Variants in GPR161 observed in about 807,000 individuals in gnomAD.
The protein encoded by GPR161 is G protein-coupled receptor 161.
GPR161 carries 25 observed loss-of-function variants against 39.2 expected under a neutral mutation model. The observed-to-expected ratio is 0.64, with a 90% CI of 0.47 to 0.89. The LOEUF is 0.89. Among genes scored for constraint, GPR161 ranks in the 40% least tolerant of loss-of-function variants. The pLI, the probability that GPR161 is intolerant of heterozygous loss-of-function variation, is 0.00. For missense variants in GPR161, 547 were observed against 677.8 expected (o/e 0.81, Z 2.14); for synonymous variants, 286 against 276.6 (o/e 1.03, Z -0.34).
intron 4 of GPR161, chr1:168,088,051 C>T: frequency 5.0e-6 from 1 of 200,534 alleles, no homozygotes. Context: ...GAGGGTCCTA[C>T]TAAAAGGAAC....
chr1:168,105,982 G>C (rs1159915106), intron 1 of GPR161, among the ~76,000 whole-genome samples: 1 of 152,132 alleles, frequency 6.6e-6, no homozygotes, highest in South Asian at 2.1e-4. Flanking sequence ...TGGTGGATCC[G>C]CTGCCTCTAC....
intron 1 of GPR161, among the ~76,000 whole-genome samples, chr1:168,122,643 CCTCA>C (rs1275557727): frequency 2.0e-5 from 3 of 152,166 alleles, no homozygotes; most frequent in African/African-American, 7.2e-5. Context: ...GCACTAGCCT[CCTCA>C]CTATTTCTGA....
intron 1 of GPR161, among the ~76,000 whole-genome samples, chr1:168,116,103 G>C (rs1299850854): frequency 6.6e-6 from 1 of 152,104 alleles, no homozygotes; most frequent in African/African-American, 2.4e-5. Flanking sequence ...TATCATAAAA[G>C]TCTCTTCTGA....
intron 1 of GPR161, chr1:168,133,816 G>C (rs1445495802): frequency 2.3e-6 from 1 of 437,666 alleles, no homozygotes; most frequent in African/African-American, 2.1e-5. Context: ...CCTAAAGTGA[G>C]AAATGTAGGT....
chr1:168,093,993 C>T (rs1194293798), intron 3 of GPR161, among the ~76,000 whole-genome samples: 2 of 145,056 alleles, frequency 1.4e-5, no homozygotes, highest in African/African-American at 5.0e-5. Flanking sequence ...GGAACCCATT[C>T]CATAAGCTCT....
chr1:168,126,382 C>T (rs1020952519), intron 1 of GPR161, among the ~76,000 whole-genome samples: 3 of 152,204 alleles, frequency 2.0e-5, no homozygotes, highest in Non-Finnish European at 2.9e-5. Context: ...CCATCTCCTC[C>T]GGTCTAGGGT....
chr1:168,119,977 C>G (rs1346693779), intron 1 of GPR161, among the ~76,000 whole-genome samples: 1 of 152,216 alleles, frequency 6.6e-6, no homozygotes, highest in Non-Finnish European at 1.5e-5. Flanking sequence ...AGAAACTCTC[C>G]TAGAGCAGTG....
rs775512191 is a variant in GPR161 at position 168,090,650 on chromosome 1, T to C, written c.1118A>G (p.His373Arg). Residue 373 changes from histidine to arginine, a missense_variant, in exon 4 of 6, where the codon CAC becomes CGC. His to Arg is a conservative substitution (Grantham distance 29). Coordinates refer to ENST00000682931, the MANE Select transcript of GPR161 (RefSeq NM_001375883.1). ...NRITDLGLSP[H>R]LTALMAGGQP... ...TCCACCTGCCATGAGCGCAGTGAGG[T>C]GTGGGGACAGGCCCAGGTCTGAAAG... 2 of 1,608,934 alleles carry C rather than the reference T, an allele frequency of 1.2e-6. No homozygotes were observed. The highest frequency in any genetic ancestry group is 2.2e-5 in the South Asian group (2 of 90,868).
chr1:168,133,662 T>A (rs1375619582), intron 1 of GPR161, among the ~76,000 whole-genome samples: 1 of 152,218 alleles, frequency 6.6e-6, no homozygotes. Flanking sequence ...GATCTTACTA[T>A]GTTGTCCATG....
chr1:168,125,137 TA>T (rs1282941979), intron 1 of GPR161, among the ~76,000 whole-genome samples: 1 of 152,174 alleles, frequency 6.6e-6, no homozygotes, highest in Non-Finnish European at 1.5e-5. Context: ...CTTTTCCCTA[TA>T]AAAGTATACT....
chr1:168,135,982 C>G (rs1699326782), intron 1 of GPR161: 9 of 1,171,316 alleles, frequency 7.7e-6, no homozygotes, highest in Non-Finnish European at 9.6e-6. Context: ...AGCAGACCTC[C>G]GGGAAGCACA....
In GPR161 at chr1:168,080,331, C is replaced by G. The variant is rs1446546665; in HGVS notation, c.*5200G>C. ...CCTATAAGACTAGCTCCTTGCTTTT[C>G]TCATCCCCTTGGCCAAGACTTGGAG... On this transcript the variant is annotated 3_prime_UTR_variant, in exon 6 of 6. Coordinates refer to ENST00000682931, the MANE Select transcript of GPR161 (RefSeq NM_001375883.1). 3 of 152,296 alleles carry G rather than the reference C, an allele frequency of 2.0e-5. No individual in the cohort carries two copies. The highest frequency in any genetic ancestry group is 4.4e-5 in the Non-Finnish European group (3 of 68,100). 9.4% of individuals were successfully genotyped at this position (152,296 alleles called of 1,614,324 possible). A position where few individuals can be genotyped will look rare whatever the true frequency, so the allele number is the denominator to read the frequency against.
At chr1:168,121,366 A>T (rs1038469193) in intron 1 of GPR161, among the ~76,000 whole-genome samples, 2 of 151,992 alleles carry the variant, frequency 1.3e-5, no homozygotes, top group African/African-American at 4.8e-5. Flanking sequence ...CATGTAGGAA[A>T]ATGTGAAGCA....
Position 168,116,947 on chromosome 1 carries a change from T to C in GPR161, c.-44-12053A>G, listed in dbSNP as rs74762861. On this transcript the variant is annotated intron_variant, in intron 1 of 5. Transcript: ENST00000682931. ...TAGAGTCAGAACCCCAGATGGCCTATGGACTTCTGAATTCTGAATTCGCCA... is the reference window on the plus strand; with the variant it reads ...TAGAGTCAGAACCCCAGATGGCCTACGGACTTCTGAATTCTGAATTCGCCA... Among the ~76,000 whole-genome samples the C allele has an allele frequency of 7.5e-3, 1,144 of 152,326 alleles. 9 individuals are homozygous for C. Among genetic ancestry groups the C allele is most frequent in the African/African-American group, 0.026 (1,095 of 41,566 alleles).
At chr1:168,130,440 C>T (rs1011096390) in intron 1 of GPR161, among the ~76,000 whole-genome samples, 2 of 152,188 alleles carry the variant, frequency 1.3e-5, no homozygotes, top group African/African-American at 4.8e-5. Context: ...CACACAGAAC[C>T]TTAGCATGAA....
chr1:168,091,284 G>A (rs275152), intron 3 of GPR161, among the ~76,000 whole-genome samples: 7,470 of 152,228 alleles, frequency 0.049, 583 homozygotes, highest in African/African-American at 0.17. Context: ...CCAGACCCCA[G>A]TGTTGGTAGG....
At chr1:168,118,421 A>C (rs1293849721) in intron 1 of GPR161, among the ~76,000 whole-genome samples, 5 of 152,206 alleles carry the variant, frequency 3.3e-5, no homozygotes, top group Non-Finnish European at 7.3e-5. Context: ...AGAGTATAGA[A>C]GTGGTGTAGA....
rs781528140 is a variant in GPR161 at position 168,085,672 on chromosome 1, A to G, written c.1449T>C (p.Ala483=). Residue 483 remains alanine, a synonymous_variant, in exon 6 of 6, where the codon GCT becomes GCC. Coordinates refer to ENST00000682931, the MANE Select transcript of GPR161 (RefSeq NM_001375883.1). ...EAKINLFGEE[A]LPGVLVTART... ...GTGCTGTAACCAAGACCCCTGGCAA[A>G]GCCTCCTCCCCAAATAAGTTGATTT... The G allele has an allele frequency of 6.2e-7, 1 of 1,614,038 alleles. No individual in the cohort carries two copies. Among genetic ancestry groups the G allele is most frequent in the African/African-American group, 1.3e-5 (1 of 74,918 alleles).
At chr1:168,095,061 A>G (rs1406318590) in intron 3 of GPR161, among the ~76,000 whole-genome samples, 1 of 152,254 alleles carries the variant, frequency 6.6e-6, no homozygotes, top group African/African-American at 2.4e-5. Flanking sequence ...GCCCCCTGCT[A>G]TGATGTACAG....
Sources: gnomAD v4.1 joint callset for allele counts (sites outside exome capture counted in the v4.1 genomes callset) on GRCh38, gnomAD v4.1.1 for gene constraint, MANE v1.5 for transcripts, NCBI Gene and HGNC (gene_info 2026-07-23, HGNC 2026-07-21) for gene names.